Variants in TRAPPC9 observed in about 807,000 individuals in gnomAD.
The protein encoded by TRAPPC9 is trafficking protein particle complex subunit 9.
TRAPPC9 carries 83 observed loss-of-function variants against 124.0 expected under a neutral mutation model. The observed-to-expected ratio is 0.67, with a 90% CI of 0.56 to 0.80. The LOEUF is 0.80. TRAPPC9 is among the 30% of genes least tolerant of loss of function. The pLI is 0.00. For synonymous variants in TRAPPC9, 638 were observed against 617.5 expected, an observed-to-expected ratio of 1.03 and a Z score of -0.49; for missense variants, 1,302 against 1,508.3, an observed-to-expected ratio of 0.86 and a Z score of 2.27.
chr8:139,779,784 CA>C (rs144123696), intron 21 of TRAPPC9, among the ~76,000 whole-genome samples: 3 of 151,454 alleles, frequency 2.0e-5, no homozygotes, highest in Non-Finnish European at 3.0e-5. Flanking sequence ...AAAGAATTGA[CA>C]AAAAAAACCC....
At chr8:140,022,287 T>A (rs1839873107) in intron 18 of TRAPPC9, among the ~76,000 whole-genome samples, 1 of 151,970 alleles carries the variant, frequency 6.6e-6, no homozygotes, top group South Asian at 2.1e-4. Flanking sequence ...CCACTTAGAC[T>A]TAGGAATAAC....
intron 17 of TRAPPC9, among the ~76,000 whole-genome samples, chr8:140,071,136 C>A (rs183998187): frequency 6.6e-6 from 1 of 152,210 alleles, no homozygotes; most frequent in Non-Finnish European, 1.5e-5. Context: ...GATCATGAAA[C>A]CTGCCTGAGC....
chr8:139,892,400 A>G (rs1196589186), intron 20 of TRAPPC9, among the ~76,000 whole-genome samples: 6 of 152,196 alleles, frequency 3.9e-5, no homozygotes, highest in African/African-American at 1.4e-4. Context: ...AGATGAACTG[A>G]TGACAGTCTA....
At chr8:140,307,232 T>G (rs1188880329) in intron 10 of TRAPPC9, among the ~76,000 whole-genome samples, 1 of 152,196 alleles carries the variant, frequency 6.6e-6, no homozygotes, top group Non-Finnish European at 1.5e-5. Context: ...GCCACTCTGA[T>G]AGCACCTGGG....
intron 8 of TRAPPC9, among the ~76,000 whole-genome samples, chr8:140,367,697 C>T (rs2068160340): frequency 6.6e-6 from 1 of 152,156 alleles, no homozygotes; most frequent in African/African-American, 2.4e-5. Flanking sequence ...ATGTACACCA[C>T]CAAGAGTGAA....
chr8:140,418,527 C>T (rs962903004), intron 5 of TRAPPC9, among the ~76,000 whole-genome samples: 2 of 152,046 alleles, frequency 1.3e-5, no homozygotes, highest in Non-Finnish European at 2.9e-5. Flanking sequence ...TCAAGAGCAG[C>T]CTAGCCAACA....
chr8:140,031,238 G>A (rs1840476846), intron 17 of TRAPPC9, among the ~76,000 whole-genome samples: 1 of 152,144 alleles, frequency 6.6e-6, no homozygotes, highest in African/African-American at 2.4e-5. Flanking sequence ...CATAATTAAA[G>A]CTTCATGTGA....
intron 17 of TRAPPC9, among the ~76,000 whole-genome samples, chr8:140,125,375 GAC>G (rs2061071789): frequency 6.6e-6 from 1 of 152,310 alleles, no homozygotes; most frequent in African/African-American, 2.4e-5. Context: ...CCTAGTCACT[GAC>G]ACAGAGCAGG....
At chr8:139,871,235 C>T (rs184572447) in intron 21 of TRAPPC9, among the ~76,000 whole-genome samples, 3 of 152,248 alleles carry the variant, frequency 2.0e-5, no homozygotes, top group Admixed American at 1.3e-4. Flanking sequence ...TGTTATAACC[C>T]GGACACCTGG....
At position 140,360,110 on chromosome 8, in the gene TRAPPC9, G is replaced by C. The variant is rs886062725; in HGVS notation, c.1435C>G (p.Leu479Val). ...AGGAAGGACAGGTGTCTGACAGAGA[G>C]GGCAGGGTTCCCCATCCTTCGGGAG... ...YASRRMGNPA[L>V]SVRHLSFLLQ... Residue 479 changes from leucine to valine, a missense_variant, in exon 9 of 23, where the codon CTC becomes GTC. Physicochemically the swap from Leu to Val is conservative, Grantham distance 32 (BLOSUM62 1). Coordinates refer to ENST00000438773, the MANE Select transcript of TRAPPC9 (RefSeq NM_001160372.4). The C allele has an allele frequency of 6.2e-7, 1 of 1,614,110 alleles. No homozygotes were observed. Among genetic ancestry groups the C allele is most frequent in the East Asian group, 2.2e-5 (1 of 44,896 alleles).
At chr8:140,125,781 G>T (rs1251394117) in intron 17 of TRAPPC9, among the ~76,000 whole-genome samples, 1 of 151,736 alleles carries the variant, frequency 6.6e-6, no homozygotes, top group Admixed American at 6.6e-5. Context: ...ACTTTAGTGA[G>T]ACGGGTTCAT....
intron 17 of TRAPPC9, among the ~76,000 whole-genome samples, chr8:140,066,961 C>T (rs558388262): frequency 4.9e-4 from 75 of 152,290 alleles, no homozygotes; most frequent in African/African-American, 1.7e-3. Context: ...CTCCAGGTTC[C>T]AGCTGTAAGC....
chr8:139,935,669 C>CTTTTTTTTTT (rs377706417), intron 19 of TRAPPC9, among the ~76,000 whole-genome samples: 1 of 132,570 alleles, frequency 7.5e-6, no homozygotes, highest in African/African-American at 2.8e-5. Context: ...TCAGTCTTTG[C>CTTTTTTTTTT]TTTTTTTTTT....
chr8:140,432,821 G>A (rs576389727), intron 4 of TRAPPC9, among the ~76,000 whole-genome samples: 93 of 151,686 alleles, frequency 6.1e-4, no homozygotes, highest in Non-Finnish European at 9.7e-4. Context: ...GCAGTGAGCC[G>A]AGATCGCGCC....
At chr8:140,201,645 T>C (rs2062792455) in intron 17 of TRAPPC9, among the ~76,000 whole-genome samples, 2 of 152,240 alleles carry the variant, frequency 1.3e-5, no homozygotes, top group South Asian at 4.1e-4. Flanking sequence ...TGTCAGATGA[T>C]AGGTCTTGAT....
At chr8:140,130,865 C>T (rs1445649138) in intron 17 of TRAPPC9, among the ~76,000 whole-genome samples, 1 of 152,100 alleles carries the variant, frequency 6.6e-6, no homozygotes, top group Non-Finnish European at 1.5e-5. Flanking sequence ...AAAAATCACA[C>T]AGAAAAATTG....
intron 20 of TRAPPC9, 107 bp from the exon 21 acceptor site, chr8:139,886,076 T>G (rs2131118537): frequency 3.9e-6 from 4 of 1,031,804 alleles, no homozygotes; most frequent in South Asian, 2.7e-5. Flanking sequence ...CTACAGCAGA[T>G]GTCTCCCCTC....
At chr8:139,780,936 G>A (rs997987956) in intron 21 of TRAPPC9, among the ~76,000 whole-genome samples, 3 of 152,136 alleles carry the variant, frequency 2.0e-5, no homozygotes, top group East Asian at 1.9e-4. Context: ...AACATCATAC[G>A]TCAATAAGAA....
chr8:140,219,300 A>C (rs1164305959), intron 17 of TRAPPC9, among the ~76,000 whole-genome samples: 1 of 152,320 alleles, frequency 6.6e-6, no homozygotes, highest in South Asian at 2.1e-4. Flanking sequence ...ATTGCCCCAG[A>C]ATCACACAGA....
Sources: gnomAD v4.1 joint callset for allele counts (sites outside exome capture counted in the v4.1 genomes callset) on GRCh38, gnomAD v4.1.1 for gene constraint, MANE v1.5 for transcripts, NCBI Gene and HGNC (gene_info 2026-07-23, HGNC 2026-07-21) for gene names.